DRC7: variants seen among roughly 807,000 people sequenced by gnomAD.
DRC7 encodes dynein regulatory complex subunit 7.
In DRC7, 80 loss-of-function variants were observed where a neutral mutation model predicts 104.4. The observed-to-expected ratio is 0.77, with a 90% CI of 0.64 to 0.92. The LOEUF (loss-of-function observed/expected upper bound fraction) is 0.92. Ranked by LOEUF, DRC7 falls within the 40% of genes least tolerant of loss-of-function variation. The pLI is 0.00. For synonymous variants in DRC7, 405 were observed against 447.3 expected (o/e 0.91, Z 1.19); for missense variants, 1,034 against 1,141.1 (o/e 0.91, Z 1.35).
Position 57,722,778 on chromosome 16 carries a change from T to A in DRC7, c.1345T>A (p.Trp449Arg), listed in dbSNP as rs1442435610. The stretch of plus-strand genomic sequence containing the variant: ...GTACAAGAGGGCAAAGCTGGAGAAG[T>A]GGGCCCCGTACCTCAATAGCAATGG... ...IQYKRAKLEK[W>R]APYLNSNGLV... is the part of the protein sequence containing the mutation. The change falls in exon 11 of 19, where the codon TGG becomes AGG. Residue 449 changes from tryptophan (W) to arginine (R), a missense_variant. Coordinates refer to ENST00000360716, the MANE Select transcript of DRC7 (RefSeq NM_001289162.2). 1 of 1,613,738 alleles carries A rather than the reference T, an allele frequency of 6.2e-7. No homozygotes were observed. The highest frequency in any genetic ancestry group is 8.5e-7 in the Non-Finnish European group (1 of 1,180,000).
chr16:57,728,491 C>T lies in DRC7; in HGVS notation c.2298C>T (p.Cys766=), dbSNP rs759132434. 19 of 1,612,320 alleles carry T rather than the reference C, an allele frequency of 1.2e-5. No individual in the cohort carries two copies. In the South Asian group the frequency reaches 2.0e-4, roughly 17 times the overall value. Residue 766 remains cysteine (C), a synonymous_variant, in exon 17 of 19, where the codon TGC becomes TGT. Transcript: ENST00000360716. ...AQLPPGEKLT[C]WQAVRLKDEC... is the part of the protein sequence containing the mutation. ...TCCCGCCAGGAGAGAAACTAACATG[C>T]TGGCAGGCGGTGCGCCTCAAGGATG...
chr16:57,728,680 G>A, intron 17 of DRC7, 96 bp downstream of exon 17: 1 of 1,038,318 alleles, frequency 9.6e-7, no homozygotes, highest in Non-Finnish European at 1.4e-6. Context: ...ACAGGCTTGT[G>A]AGGGCCTGAT....
At chr16:57,700,656 CAAAAA>C (rs59120133) in intron 5 of DRC7, among the ~76,000 whole-genome samples, 2 of 88,618 alleles carry the variant, frequency 2.3e-5, no homozygotes, top group Non-Finnish European at 4.4e-5. Context: ...AAAACTCTCT[CAAAAA>C]AAAAAAAAAA....
At chr16:57,697,407 C>CAA (rs1339620599) in intron 2 of DRC7, among the ~76,000 whole-genome samples, 2 of 140,758 alleles carry the variant, frequency 1.4e-5, no homozygotes, top group South Asian at 2.3e-4. Context: ...CTGTCTCTAC[C>CAA]AAAAAAAAAA....
chr16:57,707,837 C>A (rs2048749805), intron 8 of DRC7, 159 bp downstream of exon 8: 1 of 651,308 alleles, frequency 1.5e-6, no homozygotes, highest in African/African-American at 1.8e-5. Flanking sequence ...CACTCCCTTG[C>A]CCATGAATAA....
chr16:57,698,716 T>A (rs1471157827), intron 3 of DRC7, 134 bp from the exon 4 acceptor site: 2 of 803,292 alleles, frequency 2.5e-6, no homozygotes, highest in Non-Finnish European at 4.1e-6. Flanking sequence ...AATGTGCAGA[T>A]GTTAATGATA....
intron 18 of DRC7, 35 bp from the exon 19 acceptor site, chr16:57,731,130 C>T (rs1350043446): frequency 6.2e-7 from 1 of 1,613,598 alleles, no homozygotes. Context: ...AGCTTTGTAA[C>T]CCCTCACCCT....
chr16:57,703,439 G>A (rs1384492905), intron 6 of DRC7, among the ~76,000 whole-genome samples: 3 of 152,174 alleles, frequency 2.0e-5, no homozygotes, highest in African/African-American at 7.2e-5. Context: ...TCAGGGTCAG[G>A]CTCCTGTGGG....
rs756723687 is a variant in DRC7 at position 57,707,520 on chromosome 16, G to A, written c.919G>A (p.Val307Met). The A allele has an allele frequency of 5.6e-6, 9 of 1,613,400 alleles. No homozygotes were observed. In the South Asian group the frequency reaches 9.9e-5, roughly 18 times the overall value. Residue 307 changes from valine to methionine, a missense_variant, in exon 8 of 19, where the codon GTG becomes ATG. Physicochemically the swap from Val to Met is conservative, Grantham distance 21. Coordinates refer to ENST00000360716, the MANE Select transcript of DRC7 (RefSeq NM_001289162.2). Reference protein sequence around the residue: ...HGLRVHSWVLVLSGKREVPEN... With the variant: ...HGLRVHSWVLMLSGKREVPEN... ...CCTGCGGGTGCACTCCTGGGTCCTT[G>A]TGCTATCGGGGAAGCGCGAGGTGCC...
At chr16:57,694,907 G>A (rs534163189) in intron 1 of DRC7, 55 bp downstream of exon 1, 2 of 152,380 alleles carry the variant, frequency 1.3e-5, no homozygotes, top group South Asian at 4.1e-4. Context: ...CAGGGAAAGG[G>A]TGAGGCTGGT....
rs781717067 is a variant in DRC7, at chr16:57,726,297, C to T, written c.1974+14C>T. The T allele has an allele frequency of 6.2e-7, 1 of 1,602,118 alleles. No homozygotes were observed. On this transcript the variant is annotated intron_variant, in intron 14 of 18. Transcript: ENST00000360716. ...ATCAGCTTCGAGGTGGGCCTGGGGG[C>T]CACGGCGGGCAGGGGTCGGCTGCAG... is the stretch of plus-strand genomic sequence containing the variant.
At chr16:57,714,887 G>A (rs796239649) in intron 8 of DRC7, 5 of 206,938 alleles carry the variant, frequency 2.4e-5, no homozygotes, top group South Asian at 1.2e-4. Flanking sequence ...AATATGAGCC[G>A]AGGAAATAGC....
chr16:57,700,087 C>A, intron 4 of DRC7, 58 bp from the exon 5 acceptor site: 1 of 1,578,724 alleles, frequency 6.3e-7, no homozygotes, highest in South Asian at 1.1e-5. Context: ...AGGCCCCAAG[C>A]TTGATCTCAC....
At chr16:57,699,559 G>C (rs1195867850) in intron 4 of DRC7, among the ~76,000 whole-genome samples, 1 of 152,120 alleles carries the variant, frequency 6.6e-6, no homozygotes, top group Non-Finnish European at 1.5e-5. Context: ...CAGAGCTTAG[G>C]TTCTTATGCC....
chr16:57,719,433 C>G (rs2148761665), intron 9 of DRC7, among the ~76,000 whole-genome samples: 1 of 152,248 alleles, frequency 6.6e-6, no homozygotes, highest in South Asian at 2.1e-4. Context: ...AGATGGCTGT[C>G]TTCTCCCTGT....
chr16:57,708,854 T>C (rs62039899), intron 8 of DRC7, among the ~76,000 whole-genome samples: 1 of 152,056 alleles, frequency 6.6e-6, no homozygotes, highest in African/African-American at 2.4e-5. Context: ...TTTGGCTGAG[T>C]GTGGGGGCTC....
At chr16:57,725,016 A>G (rs1183128745) in intron 13 of DRC7, among the ~76,000 whole-genome samples, 181 bp downstream of exon 13, 2 of 152,190 alleles carry the variant, frequency 1.3e-5, no homozygotes, top group Non-Finnish European at 2.9e-5. Context: ...GCTTTGAAGA[A>G]ATACCTGAGA....
At chr16:57,729,579 T>C (rs1331387444) in intron 17 of DRC7, among the ~76,000 whole-genome samples, 2 of 69,622 alleles carry the variant, frequency 2.9e-5, no homozygotes, top group African/African-American at 1.0e-4. Context: ...GGTGGATGGA[T>C]GAGTGGGTGG....
rs773576325 is a variant in DRC7, at chr16:57,698,026, C to T, written c.77C>T (p.Ala26Val). 2.9e-5 allele frequency: 46 copies of T among 1,613,786 alleles called. 1 individual carries two copies. In the East Asian group the frequency reaches 8.9e-4, roughly 31 times the overall value. The change falls in exon 3 of 19, where the codon GCG becomes GTG. Residue 26 changes from alanine to valine, a missense_variant. Physicochemically the swap from Ala to Val is moderately conservative, Grantham distance 64. Transcript: ENST00000360716. ...REEAAEWAEW[A>V]RMEKMMRPVE... ...GAGGCGGCCGAGTGGGCTGAATGGG[C>T]GAGGATGGAGAAAATGATGAGGCCA... is the stretch of plus-strand genomic sequence containing the variant.
Sources: gnomAD v4.1 joint callset for allele counts (sites outside exome capture counted in the v4.1 genomes callset) on GRCh38, gnomAD v4.1.1 for gene constraint, MANE v1.5 for transcripts, NCBI Gene and HGNC (gene_info 2026-07-23, HGNC 2026-07-21) for gene names.